The following FUT9 variants were observed in gnomAD, a reference collection of about 807,000 sequenced individuals.
FUT9 encodes the protein fucosyltransferase 9.
Under a neutral mutation model 29.7 loss-of-function variants are expected in FUT9, and 15 were observed. That is an observed-to-expected ratio of 0.51 (90% CI 0.34 to 0.78). The LOEUF is 0.78. Ranked by LOEUF, FUT9 falls within the 30% of genes least tolerant of loss-of-function variation. The pLI is 0.01. For missense variants in FUT9, 319 were observed against 425.4 expected (o/e 0.75, Z 2.20); for synonymous variants, 169 against 153.7 (o/e 1.10, Z -0.74).
intron 1 of FUT9, among the ~76,000 whole-genome samples, chr6:96,110,813 G>A (rs1340190753): frequency 1.2e-4 from 1 of 8,096 alleles, no homozygotes; most frequent in East Asian, 0.071. Context: ...GCACAAATGT[G>A]CCTATTTATT....
At chr6:96,070,700 T>C (rs4840214) in intron 1 of FUT9, among the ~76,000 whole-genome samples, 84,055 of 151,984 alleles carry the variant, frequency 0.55, 23,364 homozygotes, top group South Asian at 0.63. Context: ...AAAAAATTAA[T>C]TAATTAATTT....
chr6:96,116,948 T>TA (rs1291073068), intron 2 of FUT9, among the ~76,000 whole-genome samples: 1 of 151,916 alleles, frequency 6.6e-6, no homozygotes, highest in Non-Finnish European at 1.5e-5. Context: ...GCATGCACAT[T>TA]AAAAAAAGAA....
chr6:96,194,666 A>G (rs756724362), intron 2 of FUT9, among the ~76,000 whole-genome samples: 1 of 151,408 alleles, frequency 6.6e-6, no homozygotes, highest in African/African-American at 2.4e-5. Context: ...AAAGTCCAAA[A>G]GGCTAGTAAT....
chr6:96,040,039 A>C (rs1206483778), intron 1 of FUT9, among the ~76,000 whole-genome samples: 2 of 151,730 alleles, frequency 1.3e-5, no homozygotes, highest in Non-Finnish European at 1.5e-5. Flanking sequence ...CTCTCATTAC[A>C]TGTTAAGTAG....
Position 96,079,914 on chromosome 6 carries a change from G to T in FUT9, c.-97-34125G>T, listed in dbSNP as rs1039528200. ...AAGTTTACTAGGGGAAAATAAAAATGGATATAGCTTTAAAAAAATGGAAAA... is the reference window on the plus strand; with the variant it reads ...AAGTTTACTAGGGGAAAATAAAAATTGATATAGCTTTAAAAAAATGGAAAA... On this transcript the variant is annotated intron_variant, in intron 1 of 2. Transcript: ENST00000302103. Among the ~76,000 whole-genome samples, 3 of 151,852 alleles carry T rather than the reference G, an allele frequency of 2.0e-5. 1 individual carries two copies. Among genetic ancestry groups the T allele is most frequent in the Middle Eastern group, 6.5e-3 (2 of 310 alleles).
chr6:96,151,837 A>C (rs1236561248), intron 2 of FUT9, among the ~76,000 whole-genome samples: 1 of 152,188 alleles, frequency 6.6e-6, no homozygotes, highest in Non-Finnish European at 1.5e-5. Context: ...GTGAGCTTTG[A>C]AACTATTTTA....
chr6:96,199,183 T>C (rs980695562), intron 2 of FUT9, among the ~76,000 whole-genome samples: 31 of 152,196 alleles, frequency 2.0e-4, no homozygotes, highest in Non-Finnish European at 1.3e-4. Context: ...TGGTGAGCTA[T>C]AGTAACACTG....
intron 1 of FUT9, among the ~76,000 whole-genome samples, chr6:96,090,584 C>T (rs1228736888): frequency 6.6e-6 from 1 of 151,122 alleles, no homozygotes. Flanking sequence ...AAAACTGATG[C>T]TAAGTAAAAG....
chr6:96,203,967 G>A lies in FUT9; in HGVS notation c.812G>A (p.Gly271Glu). The A allele has an allele frequency of 6.2e-7, 1 of 1,613,610 alleles. No individual in the cohort carries two copies. The highest frequency in any genetic ancestry group is 8.5e-7 in the Non-Finnish European group (1 of 1,179,816). ...GCTGGCTCTGTACCTGTTGTTCTGGGACCATCTAGGGAAAACTATGAGAAT... is the reference window on the plus strand; with the variant it reads ...GCTGGCTCTGTACCTGTTGTTCTGGAACCATCTAGGGAAAACTATGAGAAT... Reference protein sequence around the residue: ...FLAGSVPVVLGPSRENYENYI... With the variant: ...FLAGSVPVVLEPSRENYENYI... Residue 271 changes from glycine to glutamate, a missense_variant, in exon 3 of 3, where the codon GGA becomes GAA. Coordinates refer to ENST00000302103, the MANE Select transcript of FUT9 (RefSeq NM_006581.4).
intron 1 of FUT9, among the ~76,000 whole-genome samples, chr6:96,038,090 T>C (rs1328952408): frequency 1.3e-5 from 2 of 152,098 alleles, no homozygotes; most frequent in East Asian, 1.9e-4. Context: ...GGCTCCTAAG[T>C]AAGATGTATA....
intron 1 of FUT9, among the ~76,000 whole-genome samples, chr6:96,070,386 A>G (rs1313722624): frequency 6.6e-6 from 1 of 152,200 alleles, no homozygotes; most frequent in Non-Finnish European, 1.5e-5. Context: ...GGCAAACCAT[A>G]TTATGTAATA....
At chr6:96,138,408 A>T (rs1448198363) in intron 2 of FUT9, among the ~76,000 whole-genome samples, 1 of 151,734 alleles carries the variant, frequency 6.6e-6, no homozygotes, top group Non-Finnish European at 1.5e-5. Context: ...ACAAAGAAAA[A>T]TTATGGCTTT....
rs577036745 is a variant in FUT9 at position 96,089,915 on chromosome 6, A to G, written c.-97-24124A>G. On this transcript the variant is annotated intron_variant, in intron 1 of 2. Transcript: ENST00000302103. The stretch of plus-strand genomic sequence containing the variant: ...ACGAATATTTGGTAATCACAGAAAG[A>G]ACAATGCACTAGGACAATAAATCAA... Among the ~76,000 whole-genome samples the G allele has an allele frequency of 1.1e-4, 17 of 152,326 alleles. No homozygotes were observed. In the East Asian group the frequency reaches 2.1e-3, roughly 19 times the overall value.
chr6:96,125,376 C>T (rs1582250517), intron 2 of FUT9, among the ~76,000 whole-genome samples: 1 of 152,124 alleles, frequency 6.6e-6, no homozygotes, highest in Admixed American at 6.5e-5. Context: ...AAGAATAATT[C>T]CTTCTCTACC....
chr6:96,028,851 A>T, intron 1 of FUT9, among the ~76,000 whole-genome samples: 2 of 151,722 alleles, frequency 1.3e-5, no homozygotes, highest in East Asian at 3.9e-4. Flanking sequence ...ATCACTTAGA[A>T]AAGAAGTTAT....
At chr6:96,047,766 A>G (rs947937601) in intron 1 of FUT9, among the ~76,000 whole-genome samples, 2 of 152,210 alleles carry the variant, frequency 1.3e-5, no homozygotes, top group African/African-American at 4.8e-5. Flanking sequence ...ATGACTTAAG[A>G]CAGGCAACAA....
intron 1 of FUT9, among the ~76,000 whole-genome samples, chr6:96,113,138 C>T (rs1205946828): frequency 6.6e-6 from 1 of 152,078 alleles, no homozygotes; most frequent in Non-Finnish European, 1.5e-5. Context: ...ATTTGATTAT[C>T]GAGATATCTT....
At position 96,204,031 on chromosome 6, in the gene FUT9, T is replaced by C; in HGVS notation, c.876T>C (p.Tyr292=). The C allele has an allele frequency of 6.3e-7, 1 of 1,599,698 alleles. No homozygotes were observed. Among genetic ancestry groups the C allele is most frequent in the East Asian group, 2.2e-5 (1 of 44,706 alleles). The part of the protein sequence containing the change: ...PADSFIHVED[Y]NSPSELAKYL... ...ATTCATTCATTCATGTGGAAGATTA[T>C]AACTCTCCCAGTGAGCTAGCAAAGT... The change falls in exon 3 of 3, where the codon TAT becomes TAC. Residue 292 remains tyrosine, a synonymous_variant. Coordinates refer to ENST00000302103, the MANE Select transcript of FUT9 (RefSeq NM_006581.4).
At chr6:96,107,769 T>C (rs997516110) in intron 1 of FUT9, among the ~76,000 whole-genome samples, 1 of 152,164 alleles carries the variant, frequency 6.6e-6, no homozygotes, top group Non-Finnish European at 1.5e-5. Flanking sequence ...GACTATATCA[T>C]TCAAGGCTAG....
Sources: gnomAD v4.1 joint callset for allele counts (sites outside exome capture counted in the v4.1 genomes callset) on GRCh38, gnomAD v4.1.1 for gene constraint, MANE v1.5 for transcripts, NCBI Gene and HGNC (gene_info 2026-07-23, HGNC 2026-07-21) for gene names.